GARNL3: variants seen among roughly 807,000 people sequenced by gnomAD.
GARNL3 encodes the protein GTPase activating Rap/RanGAP domain like 3, also known as GTPase-activating Rap/Ran-GAP domain-like protein 3.
GARNL3 carries 63 observed loss-of-function variants against 125.0 expected under a neutral mutation model. The ratio of observed to expected loss-of-function variants is 0.50; its 90% confidence interval spans 0.41 to 0.62. GARNL3 has a LOEUF of 0.62. GARNL3 is among the 20% of genes least tolerant of loss of function. The pLI is 0.00. For missense variants in GARNL3, 994 were observed against 1,244.0 expected, an observed-to-expected ratio of 0.80 and a Z score of 3.02; for synonymous variants, 439 against 457.5, an observed-to-expected ratio of 0.96 and a Z score of 0.52.
chr9:127,354,389 A>G lies in GARNL3; in HGVS notation c.1738A>G (p.Asn580Asp). 1 of 1,611,562 alleles carries G rather than the reference A, an allele frequency of 6.2e-7. No individual in the cohort carries two copies. The highest frequency in any genetic ancestry group is 8.5e-7 in the Non-Finnish European group (1 of 1,178,074). Reference sequence around the variant, plus strand: ...GAAGAGCAGGTCTGACTGCAGAGAAAACAAGTTGGAGAAAACAAAAGGTGA... The same window carrying G: ...GAAGAGCAGGTCTGACTGCAGAGAAGACAAGTTGGAGAAAACAAAAGGTGA... ...AGKSRSDCRE[N>D]KLEKTKGCHL... is the part of the protein sequence containing the mutation. Residue 580 changes from asparagine (N) to aspartate (D), a missense_variant, in exon 19 of 28, where the codon AAC becomes GAC. Around this residue, in one of 5 missense-constraint regions of GARNL3, gnomAD observed 728 missense variants for 865.7 expected, o/e 0.84. Transcript: ENST00000373387.
intron 22 of GARNL3, among the ~76,000 whole-genome samples, chr9:127,380,512 C>T (rs1457815968): frequency 6.6e-6 from 1 of 151,988 alleles, no homozygotes; most frequent in Non-Finnish European, 1.5e-5. Context: ...TCTTTATTAA[C>T]AATAGCAAAA....
chr9:127,327,069 G>A (rs1432060963), intron 7 of GARNL3, among the ~76,000 whole-genome samples: 3 of 152,048 alleles, frequency 2.0e-5, no homozygotes, highest in South Asian at 2.1e-4. Context: ...ACTGAAAAAA[G>A]CAACTCACAG....
In GARNL3 at chr9:127,320,595, C is replaced by T; in HGVS notation, c.504-120C>T. 7 of 658,822 alleles carry T rather than the reference C, an allele frequency of 1.1e-5. No individual in the cohort carries two copies. The South Asian group carries it at 1.4e-4, about 13-fold the overall frequency. The allele number at this position is 658,822 out of a possible 1,614,324, so 40.8% of individuals were successfully genotyped here. ...CTTTCATCTGTTTGTTCATTGATAA[C>T]TCATTTGTTGATTTGTATCTTCTGA... On this transcript the variant is annotated intron_variant, in intron 5 of 27. Transcript: ENST00000373387.
intron 1 of GARNL3, among the ~76,000 whole-genome samples, chr9:127,285,788 C>T (rs1284147576): frequency 6.6e-6 from 1 of 152,096 alleles, no homozygotes; most frequent in East Asian, 1.9e-4. Flanking sequence ...CTAAGTTCTA[C>T]TTTGTGATTT....
intron 2 of GARNL3, among the ~76,000 whole-genome samples, chr9:127,243,752 A>G (rs191481332): frequency 6.6e-6 from 1 of 152,362 alleles, no homozygotes; most frequent in East Asian, 1.9e-4. Context: ...TAACTAGAAT[A>G]GAATTAATAC....
At chr9:127,346,595 T>C (rs903744473) in intron 16 of GARNL3, among the ~76,000 whole-genome samples, 3 of 152,200 alleles carry the variant, frequency 2.0e-5, no homozygotes, top group Non-Finnish European at 2.9e-5. Flanking sequence ...TTTAGGCTTA[T>C]ATTAAAAACA....
intron 25 of GARNL3, chr9:127,388,528 TG>T (rs1832669729): frequency 3.4e-6 from 1 of 291,676 alleles, no homozygotes; most frequent in Admixed American, 5.0e-5. Flanking sequence ...GCCTCTGCTG[TG>T]GTTACCTCAT....
intron 22 of GARNL3, among the ~76,000 whole-genome samples, 178 bp downstream of exon 22, chr9:127,365,544 G>T (rs1248376215): frequency 2.0e-5 from 3 of 152,094 alleles, no homozygotes; most frequent in Non-Finnish European, 4.4e-5. Flanking sequence ...TGCGCACCAG[G>T]CCTCTTGGTG....
Position 127,306,866 on chromosome 9 carries a change from C to G in GARNL3, c.220-4770C>G, listed in dbSNP as rs60273395. ...CGCCGCTGCACTCCAGCATGGGCAACAGAGCAAGACTCCGTCTCAACAAAA... is the reference window on the plus strand; with the variant it reads ...CGCCGCTGCACTCCAGCATGGGCAAGAGAGCAAGACTCCGTCTCAACAAAA... On this transcript the variant is annotated intron_variant, in intron 2 of 27. Transcript: ENST00000373387. 5.4e-3 allele frequency among the ~76,000 whole-genome samples: 820 copies of G among 152,162 alleles called. 23 individuals are homozygous for G. The East Asian group carries it at 0.082, about 15-fold the overall frequency.
chr9:127,243,166 A>T, exon 2 of GARNL3: 1 of 1,366,448 alleles, frequency 7.3e-7, no homozygotes, highest in South Asian at 1.1e-5. Flanking sequence ...TTCTATGGAA[A>T]GCAAAGTCGT....
Position 127,384,979 on chromosome 9 carries a change from C to A in GARNL3, c.2270-48C>A. 1.7e-6 allele frequency: 2 copies of A among 1,173,130 alleles called. No individual in the cohort carries two copies. Among genetic ancestry groups the A allele is most frequent in the Non-Finnish European group, 2.5e-6 (2 of 799,332 alleles). The allele number at this position is 1,173,130 out of a possible 1,614,324, so 72.7% of individuals were successfully genotyped here. On this transcript the variant is annotated intron_variant, in intron 23 of 27. Transcript: ENST00000373387. The surrounding 1 kb of genome is among the most constrained non-coding windows in gnomAD (Gnocchi z 4.0). ...CTATGACACAGTCACAGCCCCTTCG[C>A]GGCCACCAAGCCAGCAGCTGGGAGG...
intron 1 of GARNL3, among the ~76,000 whole-genome samples, chr9:127,278,577 T>G (rs2064018631): frequency 6.6e-6 from 1 of 152,242 alleles, no homozygotes; most frequent in Non-Finnish European, 1.5e-5. Flanking sequence ...TACCTGCTTT[T>G]AAGTGTCTGA....
At chr9:127,340,417 A>G (rs896965946) in intron 13 of GARNL3, among the ~76,000 whole-genome samples, 20 of 152,138 alleles carry the variant, frequency 1.3e-4, no homozygotes, top group African/African-American at 4.1e-4. Context: ...CATTGATCAG[A>G]AACAAGTTAC....
At chr9:127,229,070 C>T (rs1313858064) in intron 1 of GARNL3, among the ~76,000 whole-genome samples, 4 of 152,190 alleles carry the variant, frequency 2.6e-5, no homozygotes, top group African/African-American at 9.7e-5. Context: ...GTGATCCACC[C>T]GTCTCGGCCT....
intron 21 of GARNL3, among the ~76,000 whole-genome samples, chr9:127,361,296 A>T (rs1830986394): frequency 6.6e-6 from 1 of 152,148 alleles, no homozygotes; most frequent in Admixed American, 6.5e-5. Flanking sequence ...AGAGAGAGAC[A>T]GGGTCTAGCT....
chr9:127,369,789 C>G (rs1173409912), intron 22 of GARNL3, among the ~76,000 whole-genome samples: 3 of 152,104 alleles, frequency 2.0e-5, no homozygotes, highest in Non-Finnish European at 4.4e-5. Context: ...CAGGAAGGGT[C>G]TTTTTGTTTT....
At chr9:127,340,805 A>ACAGG in intron 13 of GARNL3, among the ~76,000 whole-genome samples, 2 of 151,982 alleles carry the variant, frequency 1.3e-5, no homozygotes, top group Middle Eastern at 6.8e-3. Context: ...AGGGCAAGGG[A>ACAGG]CAGGCACATG....
intron 1 of GARNL3, among the ~76,000 whole-genome samples, chr9:127,278,126 C>T (rs563975368): frequency 1.2e-4 from 18 of 151,804 alleles, no homozygotes; most frequent in Non-Finnish European, 2.2e-4. Flanking sequence ...TATATTTTTC[C>T]GATTATGAAA....
chr9:127,311,417 G>A (rs1179449397), intron 2 of GARNL3, among the ~76,000 whole-genome samples: 3 of 152,118 alleles, frequency 2.0e-5, no homozygotes, highest in South Asian at 2.1e-4. Context: ...TGAACTCACC[G>A]GTTCACTGGT....
Sources: gnomAD v4.1 joint callset for allele counts (sites outside exome capture counted in the v4.1 genomes callset) on GRCh38, gnomAD v4.1.1 for gene constraint, gnomAD v4.1.1 regional missense constraint, Gnocchi (gnomAD v3.1) non-coding constraint, MANE v1.5 for transcripts, NCBI Gene and HGNC (gene_info 2026-07-23, HGNC 2026-07-21) for gene names.